TRAF3IP2: variants seen among roughly 807,000 people sequenced by gnomAD.
TRAF3IP2 encodes the protein TRAF3 interacting protein 2.
A neutral mutation model predicts 57.9 loss-of-function variants in TRAF3IP2; 35 were observed. That is an observed-to-expected ratio of 0.60 (90% CI 0.46 to 0.80). The LOEUF (loss-of-function observed/expected upper bound fraction) is 0.80, where lower values mean the gene tolerates loss of function less well. TRAF3IP2 is among the 30% of genes least tolerant of loss of function. The probability of loss-of-function intolerance (pLI) is 0.00; values close to 1 mark genes in which losing one functional copy is unlikely to be tolerated. For synonymous variants in TRAF3IP2, 251 were observed against 268.9 expected (o/e 0.93, Z 0.65); for missense variants, 556 against 706.4 (o/e 0.79, Z 2.41).
chr6:111,597,707 C>A (rs893887984), intron 1 of TRAF3IP2: 4 of 376,564 alleles, frequency 1.1e-5, no homozygotes, highest in African/African-American at 6.3e-5. Context: ...TGGGTAAGCA[C>A]GAGTGGGCAT....
intron 1 of TRAF3IP2, among the ~76,000 whole-genome samples, chr6:111,594,877 T>C (rs1456544246): frequency 6.6e-6 from 1 of 152,034 alleles, no homozygotes; most frequent in Non-Finnish European, 1.5e-5. Flanking sequence ...GATCGTGCCA[T>C]GGCACTCCAG....
chr6:111,558,858 A>C lies in TRAF3IP2; in HGVS notation c.*547T>G, dbSNP rs1795331832. On this transcript the variant is annotated 3_prime_UTR_variant, in exon 9 of 9. Coordinates refer to ENST00000368761, the MANE Select transcript of TRAF3IP2 (RefSeq NM_147686.4). ...TATTTATCTAATATTATATCTAAGC[A>C]GCTTTGTTGATGTCCCTGGAAGCAA... The C allele has an allele frequency of 6.6e-6, 1 of 152,324 alleles. No individual in the cohort carries two copies. Among genetic ancestry groups the C allele is most frequent in the Non-Finnish European group, 1.5e-5 (1 of 68,092 alleles). The allele number at this position is 152,324 out of a possible 1,614,324, so 9.4% of individuals were successfully genotyped here. A position where few individuals can be genotyped will look rare whatever the true frequency, so the allele number is the denominator to read the frequency against.
chr6:111,600,649 A>T (rs1046979652), intron 1 of TRAF3IP2: 1 of 152,060 alleles, frequency 6.6e-6, no homozygotes, highest in African/African-American at 2.4e-5. Context: ...TATTTTTTTT[A>T]AGAAAAGACA....
intron 5 of TRAF3IP2, among the ~76,000 whole-genome samples, chr6:111,569,478 G>A (rs568808346): frequency 7.2e-5 from 11 of 152,356 alleles, no homozygotes; most frequent in East Asian, 1.9e-4. Context: ...TTGGCCGGGC[G>A]TGGTGGCTCA....
chr6:111,575,573 G>A (rs1410491748), intron 4 of TRAF3IP2, 70 bp downstream of exon 4: 5 of 1,499,486 alleles, frequency 3.3e-6, no homozygotes, highest in East Asian at 2.3e-5. Context: ...GGGCAACAGA[G>A]CGAGACTCCG....
chr6:111,563,934 G>C (rs1211145928), intron 7 of TRAF3IP2, among the ~76,000 whole-genome samples: 5 of 152,196 alleles, frequency 3.3e-5, no homozygotes, highest in African/African-American at 1.2e-4. Flanking sequence ...AGGGGAGTTA[G>C]AGTCTTCCAA....
intron 2 of TRAF3IP2, among the ~76,000 whole-genome samples, chr6:111,581,704 G>A (rs990901003): frequency 8.2e-5 from 12 of 146,942 alleles, no homozygotes; most frequent in Admixed American, 1.3e-4. Context: ...AAGGCCAGGC[G>A]TGGTGGCTCA....
rs956477254 is a variant in TRAF3IP2 at position 111,557,047 on chromosome 6, A to G, written c.*2358T>C. 1 of 152,098 alleles carries G rather than the reference A, an allele frequency of 6.6e-6. No individual in the cohort carries two copies. Among genetic ancestry groups the G allele is most frequent in the African/African-American group, 2.4e-5 (1 of 41,402 alleles). The allele number at this position is 152,098 out of a possible 1,614,324, so 9.4% of individuals were successfully genotyped here. Reference sequence around the variant, plus strand: ...GAGGCTGAAGTGTAAGGGTCACCTGAGCCCGGCAAGGTCAAAGCTGCAGTG... The same window carrying G: ...GAGGCTGAAGTGTAAGGGTCACCTGGGCCCGGCAAGGTCAAAGCTGCAGTG... On this transcript the variant is annotated 3_prime_UTR_variant, in exon 9 of 9. Transcript: ENST00000368761.
chr6:111,588,769 T>G (rs189519069), intron 2 of TRAF3IP2, among the ~76,000 whole-genome samples: 1 of 152,204 alleles, frequency 6.6e-6, no homozygotes, highest in South Asian at 2.1e-4. Flanking sequence ...AACTGGAAAC[T>G]ATTTTAAATG....
At chr6:111,590,488 T>G (rs1796473295) in intron 2 of TRAF3IP2, among the ~76,000 whole-genome samples, 1 of 152,176 alleles carries the variant, frequency 6.6e-6, no homozygotes, top group African/African-American at 2.4e-5. Flanking sequence ...CTTATTGAAT[T>G]TTTTATTTAA....
At chr6:111,561,580 G>T (rs1795442849) in intron 8 of TRAF3IP2, among the ~76,000 whole-genome samples, 1 of 152,152 alleles carries the variant, frequency 6.6e-6, no homozygotes, top group Admixed American at 6.5e-5. Flanking sequence ...AGAGACAAAA[G>T]AACACAGCAT....
chr6:111,591,367 T>C lies in TRAF3IP2; in HGVS notation c.720A>G (p.Glu240=). 1 of 1,542,428 alleles carries C rather than the reference T, an allele frequency of 6.5e-7. No homozygotes were observed. The highest frequency in any genetic ancestry group is 8.7e-7 in the Non-Finnish European group (1 of 1,148,076). ...GTGCACATGCTGGATACCTCTGAGG[T>C]TCAAACTGAGGGAACTCCCTGGACC... is the stretch of plus-strand genomic sequence containing the variant. The part of the protein sequence containing the change: ...PLRSREFPQF[E]PQRYPACAQM... The change falls in exon 2 of 9, where the codon GAA becomes GAG. Residue 240 remains glutamate (E), a synonymous_variant. Transcript: ENST00000368761. This position sits in a 1 kb window ranked among gnomAD's most constrained non-coding sequence, Gnocchi z 4.9.
chr6:111,575,589 A>G (rs12206072), intron 4 of TRAF3IP2, 54 bp downstream of exon 4: 4,254 of 39,090 alleles, frequency 0.11, 334 homozygotes, highest in South Asian at 0.46. Flanking sequence ...CTCCGTCTCA[A>G]AAAAAAAAAA....
rs1459988976 is a variant in TRAF3IP2, at chr6:111,575,685, C to T, written c.1159G>A (p.Ala387Thr). ...AVPRPPSNPPARGTLKTSNLP... is the reference protein window; with the variant it reads ...AVPRPPSNPPTRGTLKTSNLP... ...TTGCTTGTTTTTAGAGTTCCTCTGG[C>T]TGGAGGGTTGCTAGGGGGTCTAGGC... The change falls in exon 4 of 9, where the codon GCC becomes ACC. Residue 387 changes from alanine to threonine, a missense_variant. Physicochemically the swap from Ala to Thr is moderately conservative, Grantham distance 58. Around this residue, in one of 2 missense-constraint regions of TRAF3IP2, gnomAD observed 428 missense variants for 498.7 expected, o/e 0.86. Coordinates refer to ENST00000368761, the MANE Select transcript of TRAF3IP2 (RefSeq NM_147686.4). 1.2e-6 allele frequency: 2 copies of T among 1,613,112 alleles called. No homozygotes were observed.
intron 1 of TRAF3IP2, among the ~76,000 whole-genome samples, chr6:111,594,284 A>G (rs1444882045): frequency 1.3e-5 from 2 of 152,136 alleles, no homozygotes; most frequent in East Asian, 1.9e-4. Flanking sequence ...GTCATCGTCT[A>G]CATGCACTTG....
intron 5 of TRAF3IP2, among the ~76,000 whole-genome samples, chr6:111,572,005 T>G (rs572027198): frequency 1.3e-5 from 2 of 152,140 alleles, no homozygotes; most frequent in Non-Finnish European, 2.9e-5. Flanking sequence ...AAAATTGATA[T>G]TTAGTTACTA....
Position 111,591,798 on chromosome 6 carries a change from T to G in TRAF3IP2, c.289A>C (p.Arg97=). The stretch of plus-strand genomic sequence containing the variant: ...GCTTTGCCCAGGCCTGGGTGTCTCC[T>G]GCAGAAACTGTCTTCACTGTCCTCC... ...VLEDSEDSFC[R]RHPGLGKAFP... Residue 97 remains arginine (R), a synonymous_variant, in exon 2 of 9, where the codon AGG becomes CGG. Coordinates refer to ENST00000368761, the MANE Select transcript of TRAF3IP2 (RefSeq NM_147686.4). The surrounding 1 kb of genome is among the most constrained non-coding windows in gnomAD (Gnocchi z 4.9). 1 of 1,614,236 alleles carries G rather than the reference T, an allele frequency of 6.2e-7. No individual in the cohort carries two copies. The highest frequency in any genetic ancestry group is 8.5e-7 in the Non-Finnish European group (1 of 1,180,048).
At chr6:111,563,859 C>T (rs1795534822) in intron 7 of TRAF3IP2, among the ~76,000 whole-genome samples, 1 of 152,202 alleles carries the variant, frequency 6.6e-6, no homozygotes, top group Non-Finnish European at 1.5e-5. Context: ...TATGCTCTGA[C>T]ACTGTGGTAG....
rs769958417 is a variant in TRAF3IP2, at chr6:111,559,429, G to T, written c.1674C>A (p.Pro558=). The change falls in exon 9 of 9, where the codon CCC becomes CCA. Residue 558 remains proline, a synonymous_variant. Transcript: ENST00000368761. The part of the protein sequence containing the change: ...EYVAPPRGPL[P]TLQVVPL ...GTCACAAGGGAACCACCTGAAGGGT[G>T]GGCAGAGGCCCCCGTGGAGGAGCCA... is the stretch of plus-strand genomic sequence containing the variant. 2.5e-5 allele frequency: 40 copies of T among 1,613,840 alleles called. No homozygotes were observed. In the Admixed American group the frequency reaches 6.7e-4, roughly 27 times the overall value.
Sources: allele counts gnomAD v4.1 joint callset (sites outside exome capture counted in the v4.1 genomes callset), GRCh38; gene constraint gnomAD v4.1.1; regional missense constraint gnomAD v4.1.1; non-coding constraint Gnocchi (gnomAD v3.1); transcripts MANE v1.5; gene names NCBI Gene and HGNC (gene_info 2026-07-23, HGNC 2026-07-21).